DIAPH2: variants seen among roughly 807,000 people sequenced by gnomAD.
DIAPH2 encodes the protein protein diaphanous homolog 2.
In DIAPH2, 35 loss-of-function variants were observed where a neutral mutation model predicts 92.7. That is an observed-to-expected ratio of 0.38 (90% CI 0.29 to 0.50). The LOEUF (loss-of-function observed/expected upper bound fraction) is 0.50. Ranked by LOEUF, DIAPH2 falls within the 20% of genes least tolerant of loss-of-function variation. DIAPH2 has a pLI of 0.94. For synonymous variants in DIAPH2, 301 were observed against 280.4 expected (o/e 1.07, Z -0.73); for missense variants, 701 against 819.5 (o/e 0.86, Z 1.77).
At chrX:96,908,882 A>G (rs2065451247) in intron 5 of DIAPH2, among the ~76,000 whole-genome samples, 1 of 111,961 alleles carries the variant, frequency 8.9e-6, no homozygotes, top group Non-Finnish European at 1.9e-5. Context: ...TACAGGCGTG[A>G]GCCACCGCTC....
intron 17 of DIAPH2, among the ~76,000 whole-genome samples, chrX:97,008,494 G>T (rs1167334084): frequency 9.0e-6 from 1 of 111,000 alleles, no homozygotes; most frequent in African/African-American, 3.3e-5. Context: ...TTGGTGTCCG[G>T]GTGTTGATTA....
At chrX:96,815,561 G>T (rs2064727152) in intron 4 of DIAPH2, among the ~76,000 whole-genome samples, 1 of 112,387 alleles carries the variant, frequency 8.9e-6, no homozygotes, top group Admixed American at 9.4e-5. Flanking sequence ...CCAATGAGAT[G>T]AACCAGGTAC....
chrX:97,421,282 A>G (rs190522961), intron 25 of DIAPH2, among the ~76,000 whole-genome samples: 2 of 111,830 alleles, frequency 1.8e-5, no homozygotes, highest in African/African-American at 3.2e-5. Context: ...ATTATCTCCT[A>G]TTGTTTCATG....
intron 23 of DIAPH2, among the ~76,000 whole-genome samples, chrX:97,268,836 CT>C (rs755818668): frequency 2.4e-4 from 23 of 95,108 alleles, no homozygotes; most frequent in African/African-American, 5.3e-4. Context: ...AGGCACTGTT[CT>C]TTTTTTTTTC....
At chrX:97,019,716 T>G (rs1334552879) in intron 17 of DIAPH2, among the ~76,000 whole-genome samples, 1 of 111,471 alleles carries the variant, frequency 9.0e-6, no homozygotes, top group East Asian at 2.8e-4. Flanking sequence ...AAAACAAGAT[T>G]TTGCCTCTGA....
intron 26 of DIAPH2, among the ~76,000 whole-genome samples, chrX:97,565,346 G>A (rs1445498965): frequency 8.9e-6 from 1 of 112,307 alleles, no homozygotes; most frequent in East Asian, 2.8e-4. Flanking sequence ...ACTTAACACA[G>A]TGCATGGTAT....
intron 26 of DIAPH2, among the ~76,000 whole-genome samples, chrX:97,555,778 G>T (rs1442484615): frequency 2.7e-5 from 3 of 112,093 alleles, no homozygotes; most frequent in African/African-American, 9.7e-5. Context: ...GTTTAGCAAA[G>T]ACTACATTAA....
At chrX:97,026,368 C>T (rs2066335038) in intron 17 of DIAPH2, among the ~76,000 whole-genome samples, 1 of 111,828 alleles carries the variant, frequency 8.9e-6, no homozygotes, top group Non-Finnish European at 1.9e-5. Flanking sequence ...TTGTTGAATG[C>T]ATTAACATAT....
chrX:97,436,641 A>G (rs1436932877), intron 26 of DIAPH2, among the ~76,000 whole-genome samples: 1 of 112,042 alleles, frequency 8.9e-6, no homozygotes, highest in Non-Finnish European at 1.9e-5. Context: ...CCTCATGTAA[A>G]TAAGAAAACT....
intron 26 of DIAPH2, among the ~76,000 whole-genome samples, chrX:97,595,993 C>T (rs1159409436): frequency 8.9e-5 from 10 of 112,010 alleles, no homozygotes. Flanking sequence ...AACCAGGTCA[C>T]TCTTCATAGT....
Position 96,988,005 on chromosome X carries a change from T to G in DIAPH2, c.2050+22798T>G, listed in dbSNP as rs369298258. On this transcript the variant is annotated intron_variant, in intron 17 of 26. Transcript: ENST00000324765. The stretch of plus-strand genomic sequence containing the variant: ...GTATTTTTTATTTTCAAGAAGTATG[T>G]AGCAAACAGTCTTTCCAGAAAGTAT... Among the ~76,000 whole-genome samples, 46 of 110,725 alleles carry G rather than the reference T, an allele frequency of 4.2e-4. No homozygotes were observed. In the East Asian group the frequency reaches 5.1e-3, roughly 12 times the overall value.
At chrX:96,762,014 C>G (rs905529116) in intron 4 of DIAPH2, among the ~76,000 whole-genome samples, 4 of 111,051 alleles carry the variant, frequency 3.6e-5, no homozygotes, top group African/African-American at 1.3e-4. Context: ...TTTATGATAT[C>G]CTTTTCAACA....
At chrX:97,537,507 G>A (rs2071105650) in intron 26 of DIAPH2, among the ~76,000 whole-genome samples, 1 of 111,857 alleles carries the variant, frequency 8.9e-6, no homozygotes, top group African/African-American at 3.3e-5. Context: ...AGATAGTTCC[G>A]AATGATTCCT....
intron 4 of DIAPH2, among the ~76,000 whole-genome samples, chrX:96,813,483 C>A (rs1212157714): frequency 9.0e-6 from 1 of 111,050 alleles, no homozygotes; most frequent in Non-Finnish European, 1.9e-5. Context: ...ATCCAATTTG[C>A]CAGTCTGTGT....
At chrX:97,083,265 TTAAC>T (rs887498523) in intron 19 of DIAPH2, among the ~76,000 whole-genome samples, 3 of 112,099 alleles carry the variant, frequency 2.7e-5, no homozygotes, top group African/African-American at 9.7e-5. Context: ...TAATGGTATT[TTAAC>T]TAATCTCTTT....
At chrX:97,025,234 C>G (rs1053552074) in intron 17 of DIAPH2, among the ~76,000 whole-genome samples, 2 of 110,947 alleles carry the variant, frequency 1.8e-5, no homozygotes, top group Non-Finnish European at 3.8e-5. Flanking sequence ...CCTGTAGTCC[C>G]AGCTACTCCT....
chrX:97,303,821 G>GGT (rs759891759), intron 23 of DIAPH2, among the ~76,000 whole-genome samples: 9 of 110,388 alleles, frequency 8.2e-5, no homozygotes, highest in Non-Finnish European at 1.3e-4. Flanking sequence ...TTAGCCATGG[G>GGT]GTGTGTGTGT....
intron 22 of DIAPH2, among the ~76,000 whole-genome samples, chrX:97,214,530 T>TAA (rs11394257): frequency 9.3e-6 from 1 of 107,203 alleles, no homozygotes; most frequent in African/African-American, 3.4e-5. Flanking sequence ...AAATTTCCTT[T>TAA]AAAAAAAAAA....
At chrX:97,239,132 C>T (rs2068071675) in intron 22 of DIAPH2, among the ~76,000 whole-genome samples, 1 of 111,810 alleles carries the variant, frequency 8.9e-6, no homozygotes, top group Non-Finnish European at 1.9e-5. Flanking sequence ...ATTACACATT[C>T]TTAATATGGT....
Sources: gnomAD v4.1 joint callset for allele counts (sites outside exome capture counted in the v4.1 genomes callset) on GRCh38, gnomAD v4.1.1 for gene constraint, MANE v1.5 for transcripts, NCBI Gene and HGNC (gene_info 2026-07-23, HGNC 2026-07-21) for gene names.